The following PLPP1 variants were observed in gnomAD, a reference collection of about 807,000 sequenced individuals.
The protein encoded by PLPP1 is lipid phosphate phosphohydrolase 1a.
In PLPP1, 24 loss-of-function variants were observed where a neutral mutation model predicts 31.2. The observed-to-expected ratio is 0.77, with a 90% CI of 0.56 to 1.08. The LOEUF (loss-of-function observed/expected upper bound fraction) is 1.08, where lower values mean the gene tolerates loss of function less well. Ranked by LOEUF, PLPP1 falls within the 50% of genes least tolerant of loss-of-function variation. The pLI is 0.00. For synonymous variants in PLPP1, 146 were observed against 126.3 expected, an observed-to-expected ratio of 1.16 and a Z score of -1.05; for missense variants, 319 against 342.7, an observed-to-expected ratio of 0.93 and a Z score of 0.55.
At chr5:55,490,902 G>A in intron 1 of PLPP1, 1 of 1,523,084 alleles carries the variant, frequency 6.6e-7, no homozygotes, top group South Asian at 1.2e-5. Context: ...CCAACTCCAT[G>A]CTTCATCCAA....
At chr5:55,518,375 A>G (rs1753595732) in intron 1 of PLPP1, among the ~76,000 whole-genome samples, 1 of 151,486 alleles carries the variant, frequency 6.6e-6, no homozygotes, top group Non-Finnish European at 1.5e-5. Context: ...TATAATGTTG[A>G]TAAGAAAAAA....
At chr5:55,513,279 A>ATTTTTTTTTTTGC (rs1327848463) in intron 1 of PLPP1, among the ~76,000 whole-genome samples, 2 of 9,386 alleles carry the variant, frequency 2.1e-4, no homozygotes, top group African/African-American at 5.2e-4. Flanking sequence ...TTTTTTTTTA[A>ATTTTTTTTTTTGC]GACAGAGTCT....
At chr5:55,464,587 A>G (rs1489977685) in intron 3 of PLPP1, among the ~76,000 whole-genome samples, 1 of 152,230 alleles carries the variant, frequency 6.6e-6, no homozygotes, top group Non-Finnish European at 1.5e-5. Context: ...TCAAATGTCC[A>G]TCAATATTTG....
At chr5:55,455,247 C>T (rs1199105329) in intron 3 of PLPP1, among the ~76,000 whole-genome samples, 1 of 151,978 alleles carries the variant, frequency 6.6e-6, no homozygotes, top group East Asian at 1.9e-4. Context: ...AAAAAAAAAG[C>T]AAATCTCTTC....
intron 2 of PLPP1, among the ~76,000 whole-genome samples, chr5:55,470,739 G>A (rs1247003509): frequency 6.6e-6 from 1 of 152,070 alleles, no homozygotes; most frequent in African/African-American, 2.4e-5. Context: ...CCTAACCTTT[G>A]AGCCATTTAT....
In PLPP1 at chr5:55,512,090, T is replaced by C. The variant is rs564322686; in HGVS notation, c.58+22482A>G. ...GTTGCAGTGAGCCAAGATAGCGCCA[T>C]TGCACTCCAGCCTAGGCAACAAGAG... is the stretch of plus-strand genomic sequence containing the variant. On this transcript the variant is annotated intron_variant, in intron 1 of 5. Transcript: ENST00000307259. Among the ~76,000 whole-genome samples the C allele has an allele frequency of 3.7e-4, 56 of 151,096 alleles. 1 individual carries two copies. In the South Asian group the frequency reaches 5.4e-3, roughly 15 times the overall value.
At chr5:55,444,009 A>C (rs1279943403) in intron 3 of PLPP1, among the ~76,000 whole-genome samples, 2 of 152,240 alleles carry the variant, frequency 1.3e-5, no homozygotes, top group East Asian at 3.9e-4. Context: ...AGGATATCTT[A>C]TTATGACCAG....
chr5:55,425,802 CT>C, intron 5 of PLPP1, 60 bp downstream of exon 5: 1 of 1,346,776 alleles, frequency 7.4e-7, no homozygotes, highest in East Asian at 2.5e-5. Flanking sequence ...TTTTTTTTTT[CT>C]ATTTACTTAT....
chr5:55,436,244 T>C (rs1189717594), intron 4 of PLPP1, among the ~76,000 whole-genome samples: 1 of 152,090 alleles, frequency 6.6e-6, no homozygotes, highest in African/African-American at 2.4e-5. Flanking sequence ...ATGATATGGC[T>C]TGGCTGTGTC....
chr5:55,526,763 T>C (rs1486077249), intron 1 of PLPP1, among the ~76,000 whole-genome samples: 1 of 151,776 alleles, frequency 6.6e-6, no homozygotes, highest in Non-Finnish European at 1.5e-5. Flanking sequence ...AAACCCTGTC[T>C]CTACTAAAAA....
Position 55,457,840 on chromosome 5 carries a change from G to A in PLPP1, c.491+10029C>T, listed in dbSNP as rs563301727. The stretch of plus-strand genomic sequence containing the variant: ...GGAGGCAGAGGTTGCAGTGAGCCAA[G>A]ATCACGCCACTGCACTCCAGCCTGG... On this transcript the variant is annotated intron_variant, in intron 3 of 5. Transcript: ENST00000307259. Among the ~76,000 whole-genome samples, 8 of 148,878 alleles carry A rather than the reference G, an allele frequency of 5.4e-5. No individual in the cohort carries two copies. The East Asian group carries it at 1.6e-3, about 29-fold the overall frequency.
chr5:55,499,023 T>C (rs1433946924), intron 1 of PLPP1, among the ~76,000 whole-genome samples: 1 of 152,192 alleles, frequency 6.6e-6, no homozygotes, highest in Non-Finnish European at 1.5e-5. Flanking sequence ...AGGCCCCAAT[T>C]GCATCCTCTT....
At chr5:55,493,064 A>G (rs1752928438) in intron 1 of PLPP1, among the ~76,000 whole-genome samples, 2 of 152,196 alleles carry the variant, frequency 1.3e-5, no homozygotes, top group Admixed American at 1.3e-4. Context: ...TATAAACCCA[A>G]CACGTTGAAA....
intron 1 of PLPP1, among the ~76,000 whole-genome samples, chr5:55,498,721 A>G (rs1753055600): frequency 6.6e-6 from 1 of 152,104 alleles, no homozygotes. Flanking sequence ...AAAAAGGTGA[A>G]CAATCTGAAG....
At chr5:55,470,271 A>G (rs1752389261) in intron 2 of PLPP1, among the ~76,000 whole-genome samples, 1 of 152,216 alleles carries the variant, frequency 6.6e-6, no homozygotes, top group Admixed American at 6.5e-5. Flanking sequence ...TTAATCTTTG[A>G]TTCTTGAAAA....
chr5:55,457,698 G>A (rs1038613609), intron 3 of PLPP1, among the ~76,000 whole-genome samples: 3 of 152,092 alleles, frequency 2.0e-5, no homozygotes, highest in Non-Finnish European at 4.4e-5. Flanking sequence ...AGACCAGCCT[G>A]GCCAATATGG....
intron 1 of PLPP1, among the ~76,000 whole-genome samples, chr5:55,491,772 C>T (rs1038905869): frequency 6.7e-6 from 1 of 150,220 alleles, no homozygotes; most frequent in Non-Finnish European, 1.5e-5. Flanking sequence ...GCAGGAGAAT[C>T]GCTTGAACCC....
intron 1 of PLPP1, among the ~76,000 whole-genome samples, chr5:55,528,358 A>C (rs191565792): frequency 6.6e-6 from 1 of 152,228 alleles, no homozygotes; most frequent in African/African-American, 2.4e-5. Flanking sequence ...AAGGGAACAT[A>C]TTCCAAACCT....
At chr5:55,520,864 T>G (rs761850836) in intron 1 of PLPP1, among the ~76,000 whole-genome samples, 1 of 152,230 alleles carries the variant, frequency 6.6e-6, no homozygotes, top group African/African-American at 2.4e-5. Context: ...AAGTTTACAT[T>G]ATCTCTGCTG....
Sources: allele counts gnomAD v4.1 joint callset (sites outside exome capture counted in the v4.1 genomes callset), GRCh38; gene constraint gnomAD v4.1.1; transcripts MANE v1.5; gene names NCBI Gene and HGNC (gene_info 2026-07-23, HGNC 2026-07-21).